The following TBPL1 variants were observed in gnomAD, a reference collection of about 807,000 sequenced individuals.
TBPL1 encodes TATA-box binding protein like 1.
A neutral mutation model predicts 22.1 loss-of-function variants in TBPL1; 4 were observed. The observed-to-expected ratio is 0.18, with a 90% CI of 0.09 to 0.41. The LOEUF (loss-of-function observed/expected upper bound fraction) is 0.41. Among genes scored for constraint, TBPL1 ranks in the 10% least tolerant of loss-of-function variants. TBPL1 has a pLI of 1.00. For synonymous variants in TBPL1, 64 were observed against 71.0 expected, an observed-to-expected ratio of 0.90 and a Z score of 0.50; for missense variants, 115 against 222.3, an observed-to-expected ratio of 0.52 and a Z score of 3.07.
chr6:133,962,944 G>T (rs1029554751), intron 1 of TBPL1, among the ~76,000 whole-genome samples: 2 of 152,178 alleles, frequency 1.3e-5, no homozygotes, highest in African/African-American at 2.4e-5. Context: ...ATTCAAGAAA[G>T]CTTCTTCAGA....
intron 1 of TBPL1, among the ~76,000 whole-genome samples, chr6:133,975,887 A>G (rs1352258454): frequency 1.3e-5 from 2 of 152,170 alleles, no homozygotes; most frequent in Non-Finnish European, 2.9e-5. Context: ...GTAGATGTTC[A>G]TTGTGTTCTT....
At chr6:133,953,864 C>A (rs779787480) in intron 1 of TBPL1, among the ~76,000 whole-genome samples, 7 of 152,164 alleles carry the variant, frequency 4.6e-5, no homozygotes, top group Non-Finnish European at 7.3e-5. Context: ...AGAAAACTTA[C>A]AGCGGCTTCT....
chr6:133,977,097 T>C (rs999840923), intron 1 of TBPL1, among the ~76,000 whole-genome samples: 2 of 152,238 alleles, frequency 1.3e-5, no homozygotes, highest in African/African-American at 4.8e-5. Context: ...AATATCCAGT[T>C]CTGTGCTCTC....
rs1221717682 is a variant in TBPL1 at position 133,953,253 on chromosome 6, AC to A, written c.-216del. The A allele has an allele frequency of 6.5e-6, 1 of 152,930 alleles. No individual in the cohort carries two copies. The highest frequency in any genetic ancestry group is 3.1e-3 in the Middle Eastern group (1 of 320). 9.5% of individuals were successfully genotyped at this position (152,930 alleles called of 1,614,324 possible). On this transcript the variant is annotated 5_prime_UTR_variant, in exon 1 of 7. Coordinates refer to ENST00000237264, the MANE Select transcript of TBPL1 (RefSeq NM_004865.4). ...CACCCGGAACAACAAAGCAAGGAAG[AC>A]GGAGTCCGAGCCTCGGGGGCTCCTA...
intron 1 of TBPL1, among the ~76,000 whole-genome samples, chr6:133,979,044 G>C (rs992795403): frequency 1.3e-5 from 2 of 152,244 alleles, no homozygotes; most frequent in South Asian, 2.1e-4. Context: ...ACTGGGGCTT[G>C]TTTGTTTGTA....
chr6:133,955,049 GAAA>G (rs979841622), intron 1 of TBPL1, among the ~76,000 whole-genome samples: 7 of 152,164 alleles, frequency 4.6e-5, no homozygotes, highest in African/African-American at 1.7e-4. Context: ...ACATTAAGAA[GAAA>G]AAGATAGATT....
At chr6:133,976,107 G>A (rs1359655529) in intron 1 of TBPL1, among the ~76,000 whole-genome samples, 1 of 152,104 alleles carries the variant, frequency 6.6e-6, no homozygotes, top group Non-Finnish European at 1.5e-5. Context: ...TTTCATGAAT[G>A]TTGTGTCAAA....
rs1776585659 is a variant in TBPL1, at chr6:133,989,286, G to A, written c.*2246G>A. On this transcript the variant is annotated 3_prime_UTR_variant, in exon 7 of 7. Transcript: ENST00000237264. ...AAATCAAGAAGCTTGATTTGGTGTGGTGCAATGGATATTGGATAAAAATTT... is the reference window on the plus strand; with the variant it reads ...AAATCAAGAAGCTTGATTTGGTGTGATGCAATGGATATTGGATAAAAATTT... 1 of 151,950 alleles carries A rather than the reference G, an allele frequency of 6.6e-6. No homozygotes were observed. The highest frequency in any genetic ancestry group is 6.6e-5 in the Admixed American group (1 of 15,246). The allele number at this position is 151,950 out of a possible 1,614,324, so 9.4% of individuals were successfully genotyped here.
intron 1 of TBPL1, among the ~76,000 whole-genome samples, chr6:133,976,986 A>G (rs1182969632): frequency 6.6e-6 from 1 of 152,026 alleles, no homozygotes; most frequent in Non-Finnish European, 1.5e-5. Flanking sequence ...AAAAAAAGAA[A>G]AAAAAGAAAT....
intron 1 of TBPL1, among the ~76,000 whole-genome samples, chr6:133,960,503 G>T (rs77088924): frequency 6.6e-6 from 1 of 150,588 alleles, no homozygotes; most frequent in East Asian, 1.9e-4. Flanking sequence ...ACTTCAGTGC[G>T]CAGTACAAAA....
chr6:133,981,988 T>C (rs1776421636), intron 2 of TBPL1, among the ~76,000 whole-genome samples: 1 of 152,194 alleles, frequency 6.6e-6, no homozygotes, highest in African/African-American at 2.4e-5. Context: ...TGAACTTGAG[T>C]ATGTAATAAG....
intron 1 of TBPL1, among the ~76,000 whole-genome samples, chr6:133,961,535 C>G (rs892598944): frequency 7.4e-6 from 1 of 135,718 alleles, no homozygotes; most frequent in Non-Finnish European, 1.5e-5. Flanking sequence ...GTGGTGCAAT[C>G]TCGGCTCATT....
intron 1 of TBPL1, among the ~76,000 whole-genome samples, chr6:133,957,448 T>A (rs1251313347): frequency 6.6e-6 from 1 of 152,244 alleles, no homozygotes; most frequent in Non-Finnish European, 1.5e-5. Context: ...TTTTGTTTTT[T>A]AACTCACTAG....
intron 2 of TBPL1, among the ~76,000 whole-genome samples, chr6:133,981,074 G>A (rs1458238842): frequency 6.8e-6 from 1 of 146,380 alleles, no homozygotes. Context: ...CCAGGTTCAA[G>A]CAATTCTCCT....
At chr6:133,973,100 G>T (rs866762751) in intron 1 of TBPL1, among the ~76,000 whole-genome samples, 1 of 152,206 alleles carries the variant, frequency 6.6e-6, no homozygotes, top group Non-Finnish European at 1.5e-5. Flanking sequence ...TGTGTTGAGA[G>T]ACTGTCAAGT....
At chr6:133,975,704 A>T (rs1776301705) in intron 1 of TBPL1, among the ~76,000 whole-genome samples, 1 of 152,220 alleles carries the variant, frequency 6.6e-6, no homozygotes, top group Non-Finnish European at 1.5e-5. Flanking sequence ...GGATTTAGGA[A>T]TATAACACTG....
At chr6:133,986,164 C>G (rs1267342667) in intron 6 of TBPL1, among the ~76,000 whole-genome samples, 1 of 151,958 alleles carries the variant, frequency 6.6e-6, no homozygotes, top group Non-Finnish European at 1.5e-5. Context: ...AGGACCTGAC[C>G]AAGATAGGAT....
At chr6:133,984,261 T>C (rs1776468091) in intron 4 of TBPL1, 115 bp from the exon 5 acceptor site, 2 of 753,818 alleles carry the variant, frequency 2.7e-6, no homozygotes, top group Admixed American at 5.6e-5. Flanking sequence ...AACATACACT[T>C]AAAATGTTTT....
intron 1 of TBPL1, among the ~76,000 whole-genome samples, chr6:133,955,031 A>G (rs1201243421): frequency 6.6e-6 from 1 of 152,148 alleles, no homozygotes; most frequent in Non-Finnish European, 1.5e-5. Flanking sequence ...CTTAAGTTGC[A>G]TTTTAAGACA....
Sources: allele counts gnomAD v4.1 joint callset (sites outside exome capture counted in the v4.1 genomes callset), GRCh38; gene constraint gnomAD v4.1.1; transcripts MANE v1.5; gene names NCBI Gene and HGNC (gene_info 2026-07-23, HGNC 2026-07-21).